Variants in DAB1 observed in about 807,000 individuals in gnomAD.
DAB1 encodes disabled homolog 1.
A neutral mutation model predicts 64.6 loss-of-function variants in DAB1; 15 were observed. The ratio of observed to expected loss-of-function variants is 0.23; its 90% CI spans 0.16 to 0.36. The LOEUF (loss-of-function observed/expected upper bound fraction) is 0.36. Ranked by LOEUF, DAB1 falls within the 10% of genes least tolerant of loss-of-function variation. DAB1 has a pLI of 1.00. For missense variants in DAB1, 596 were observed against 706.7 expected (o/e 0.84, Z 1.78); for synonymous variants, 235 against 251.9 (o/e 0.93, Z 0.64).
At chr1:58,440,549 G>A (rs1644996770) in intron 3 of DAB1, among the ~76,000 whole-genome samples, 2 of 152,174 alleles carry the variant, frequency 1.3e-5, no homozygotes, top group Admixed American at 1.3e-4. Context: ...AGGTCTTCGG[G>A]AGAAGTATTT....
intron 2 of DAB1, chr1:58,506,337 G>A: frequency 1.7e-6 from 1 of 579,894 alleles, no homozygotes; most frequent in Non-Finnish European, 3.0e-6. Context: ...TGCACAACGT[G>A]CAGGTTTGTT....
intron 5 of DAB1, among the ~76,000 whole-genome samples, chr1:58,111,646 G>A (rs749386612): frequency 5.9e-5 from 9 of 152,106 alleles, no homozygotes; most frequent in Non-Finnish European, 1.2e-4. Flanking sequence ...TTGTACCACA[G>A]TAAGTCCTGT....
intron 6 of DAB1, among the ~76,000 whole-genome samples, chr1:57,704,308 G>C (rs1646940396): frequency 6.6e-6 from 1 of 152,078 alleles, no homozygotes; most frequent in Non-Finnish European, 1.5e-5. Context: ...CTAAGGGCTA[G>C]GCACTCTCCA....
chr1:57,522,435 CCTCAACCCT>C (rs762629244), intron 7 of DAB1, among the ~76,000 whole-genome samples: 10 of 152,170 alleles, frequency 6.6e-5, no homozygotes, highest in Admixed American at 3.9e-4. Context: ...AAATATAAGA[CCTCAACCCT>C]AAACCTCTGT....
At chr1:58,039,629 T>C (rs1159221447) in intron 5 of DAB1, among the ~76,000 whole-genome samples, 1 of 152,074 alleles carries the variant, frequency 6.6e-6, no homozygotes, top group African/African-American at 2.4e-5. Flanking sequence ...TTTTTCAGCC[T>C]ACAGGAGTTT....
chr1:57,920,928 A>G (rs974714318), intron 5 of DAB1, among the ~76,000 whole-genome samples: 2 of 150,220 alleles, frequency 1.3e-5, no homozygotes, highest in African/African-American at 5.0e-5. Context: ...CTGAGCCACA[A>G]ATTCTACTTC....
intron 5 of DAB1, among the ~76,000 whole-genome samples, chr1:58,001,224 C>T (rs1646502020): frequency 6.6e-6 from 1 of 151,910 alleles, no homozygotes; most frequent in Admixed American, 6.6e-5. Context: ...TCAGGAAAGC[C>T]TTAGTCAGCC....
At chr1:57,315,463 G>A (rs112426842) in intron 1 of DAB1, among the ~76,000 whole-genome samples, 2 of 152,132 alleles carry the variant, frequency 1.3e-5, no homozygotes, top group African/African-American at 4.8e-5. Flanking sequence ...ACGTGGGTGG[G>A]TAAATAGATG....
At chr1:57,404,928 T>G (rs1018293443) in intron 1 of DAB1, among the ~76,000 whole-genome samples, 3 of 152,230 alleles carry the variant, frequency 2.0e-5, no homozygotes, top group African/African-American at 7.2e-5. Flanking sequence ...AGTTTTATAC[T>G]AGCTATGAAA....
chr1:58,122,751 G>C (rs1245929723), intron 5 of DAB1, among the ~76,000 whole-genome samples: 1 of 152,168 alleles, frequency 6.6e-6, no homozygotes, highest in African/African-American at 2.4e-5. Context: ...GTATAGGAAA[G>C]GGTGTTGACA....
intron 2 of DAB1, among the ~76,000 whole-genome samples, chr1:57,183,284 C>T (rs1052453454): frequency 6.6e-6 from 1 of 152,108 alleles, no homozygotes; most frequent in African/African-American, 2.4e-5. Context: ...TATCACAAGG[C>T]AGAGAAAGGC....
At chr1:57,207,141 G>A (rs1010173538) in intron 2 of DAB1, among the ~76,000 whole-genome samples, 20 of 151,084 alleles carry the variant, frequency 1.3e-4, no homozygotes, top group African/African-American at 3.9e-4. Flanking sequence ...GCTAATTTTT[G>A]TATTTTTAGT....
chr1:57,777,537 C>A (rs1649868261), intron 6 of DAB1, among the ~76,000 whole-genome samples: 1 of 151,622 alleles, frequency 6.6e-6, no homozygotes, highest in African/African-American at 2.4e-5. Flanking sequence ...TTTATCTTTT[C>A]TTTTGCAGTT....
intron 6 of DAB1, among the ~76,000 whole-genome samples, chr1:57,671,926 G>A (rs1646515000): frequency 6.6e-6 from 1 of 151,994 alleles, no homozygotes; most frequent in Non-Finnish European, 1.5e-5. Flanking sequence ...GCAGGAAATA[G>A]GTATTTTATC....
intron 4 of DAB1, among the ~76,000 whole-genome samples, chr1:57,119,451 A>G (rs1408138837): frequency 2.0e-5 from 3 of 152,084 alleles, no homozygotes; most frequent in Non-Finnish European, 4.4e-5. Context: ...TTTATTACAG[A>G]CCACTTTATC....
chr1:57,885,735 T>G (rs1475622773), upstream of DAB1, among the ~76,000 whole-genome samples: 1 of 152,214 alleles, frequency 6.6e-6, no homozygotes, highest in Admixed American at 6.5e-5. Flanking sequence ...CAAAAGCATA[T>G]GGCACTTTAA....
At chr1:57,451,806 G>T (rs1334240) in intron 7 of DAB1, among the ~76,000 whole-genome samples, 43,471 of 151,930 alleles carry the variant, frequency 0.29, 7,981 homozygotes, top group Non-Finnish European at 0.43. Context: ...ATCCTTGTAG[G>T]GGGAGTGGAA....
intron 4 of DAB1, among the ~76,000 whole-genome samples, chr1:58,339,388 T>C (rs1186028210): frequency 6.6e-6 from 1 of 152,178 alleles, no homozygotes; most frequent in East Asian, 1.9e-4. Context: ...CTCAAGGAGC[T>C]TATATTTGGC....
At chr1:57,640,738 A>G (rs1049667045) in intron 7 of DAB1, among the ~76,000 whole-genome samples, 3 of 152,246 alleles carry the variant, frequency 2.0e-5, no homozygotes, top group Admixed American at 2.0e-4. Flanking sequence ...TTTGTGAGCC[A>G]TCTGGGAACA....
Sources: allele counts gnomAD v4.1 joint callset (sites outside exome capture counted in the v4.1 genomes callset), GRCh38; gene constraint gnomAD v4.1.1; transcripts MANE v1.5; gene names NCBI Gene and HGNC (gene_info 2026-07-23, HGNC 2026-07-21).